Variants in DLC1 observed in about 807,000 individuals in gnomAD.
DLC1 encodes the protein DLC1 Rho GTPase activating protein.
In DLC1, 54 loss-of-function variants were observed where a neutral mutation model predicts 140.3. That is an observed-to-expected ratio of 0.38 (90% confidence interval 0.31 to 0.48). The LOEUF is 0.48. Ranked by LOEUF, DLC1 falls within the 20% of genes least tolerant of loss-of-function variation. The pLI, the probability that DLC1 is intolerant of heterozygous loss-of-function variation, is 0.96. For synonymous variants in DLC1, 986 were observed against 728.1 expected, an observed-to-expected ratio of 1.35 and a Z score of -5.70; for missense variants, 2,536 against 1,907.0, an observed-to-expected ratio of 1.33 and a Z score of -6.14.
At chr8:13,318,620 T>C (rs1270701000) in intron 4 of DLC1, among the ~76,000 whole-genome samples, 1 of 152,214 alleles carries the variant, frequency 6.6e-6, no homozygotes, top group East Asian at 1.9e-4. Flanking sequence ...GATATTGGTA[T>C]GGATTTTAAT....
At chr8:13,589,900 G>C (rs1056919939) in intron 1 of DLC1, among the ~76,000 whole-genome samples, 1 of 151,480 alleles carries the variant, frequency 6.6e-6, no homozygotes, top group Non-Finnish European at 1.5e-5. Context: ...GAAAAAAAAG[G>C]CAAAGAAACT....
At chr8:13,323,205 G>C (rs1434814518) in intron 4 of DLC1, among the ~76,000 whole-genome samples, 1 of 152,158 alleles carries the variant, frequency 6.6e-6, no homozygotes, top group East Asian at 1.9e-4. Context: ...CTAAATTATG[G>C]GGAAATTTGC....
At chr8:13,312,326 A>AGT (rs1832700155) in intron 4 of DLC1, among the ~76,000 whole-genome samples, 1 of 95,982 alleles carries the variant, frequency 1.0e-5, no homozygotes, top group Non-Finnish European at 2.0e-5. Flanking sequence ...GCGCCACTGC[A>AGT]CTCCAGCCTG....
chr8:13,470,105 C>G (rs1800139772), intron 2 of DLC1, among the ~76,000 whole-genome samples: 1 of 152,092 alleles, frequency 6.6e-6, no homozygotes, highest in African/African-American at 2.4e-5. Flanking sequence ...ATTACTTCCT[C>G]TTGTGGAATA....
chr8:13,429,005 G>C (rs2117382894), intron 2 of DLC1, among the ~76,000 whole-genome samples: 1 of 152,084 alleles, frequency 6.6e-6, no homozygotes, highest in East Asian at 1.9e-4. Context: ...TGATCTCTAA[G>C]GTATTTTATG....
chr8:13,301,991 A>G (rs1476613514), intron 5 of DLC1, among the ~76,000 whole-genome samples: 1 of 152,222 alleles, frequency 6.6e-6, no homozygotes, highest in Non-Finnish European at 1.5e-5. Flanking sequence ...GACTCCAGCG[A>G]CATGATGGAA....
chr8:13,091,523 A>T (rs1230302563), intron 13 of DLC1, 91 bp from the exon 14 acceptor site: 1 of 1,200,970 alleles, frequency 8.3e-7, no homozygotes, highest in Non-Finnish European at 1.1e-6. Context: ...GAAGAGAGAA[A>T]AAAAAATTTT....
At chr8:13,528,036 C>T (rs1268101680) in intron 1 of DLC1, among the ~76,000 whole-genome samples, 1 of 152,038 alleles carries the variant, frequency 6.6e-6, no homozygotes, top group Non-Finnish European at 1.5e-5. Context: ...TGTTGGTTTA[C>T]ACATGGGCAT....
At chr8:13,381,058 C>G (rs1359971028) in intron 4 of DLC1, among the ~76,000 whole-genome samples, 1 of 152,104 alleles carries the variant, frequency 6.6e-6, no homozygotes, top group Non-Finnish European at 1.5e-5. Flanking sequence ...TGACATGAGT[C>G]CCTGTAGTGT....
At chr8:13,433,734 C>G (rs1173035043) in intron 2 of DLC1, among the ~76,000 whole-genome samples, 1 of 152,142 alleles carries the variant, frequency 6.6e-6, no homozygotes, top group Non-Finnish European at 1.5e-5. Flanking sequence ...TTATATCTCT[C>G]TTTTGGGAAC....
intron 1 of DLC1, among the ~76,000 whole-genome samples, chr8:13,580,422 G>A (rs547957116): frequency 6.0e-4 from 91 of 152,280 alleles, no homozygotes; most frequent in African/African-American, 1.7e-3. Context: ...CGCCCGGCAG[G>A]TTGGTTACAT....
At chr8:13,554,003 T>C (rs1309315134) in intron 1 of DLC1, among the ~76,000 whole-genome samples, 1 of 152,096 alleles carries the variant, frequency 6.6e-6, no homozygotes, top group Non-Finnish European at 1.5e-5. Flanking sequence ...CTTGTTTTTC[T>C]AATAATCTGT....
At chr8:13,332,924 A>ATG (rs1563260282) in intron 4 of DLC1, among the ~76,000 whole-genome samples, 2 of 151,642 alleles carry the variant, frequency 1.3e-5, no homozygotes, top group East Asian at 3.9e-4. Flanking sequence ...CTCGGATGCC[A>ATG]AAATCTCCTG....
At chr8:13,094,717 T>G in intron 12 of DLC1, 42 bp downstream of exon 12, 1 of 1,612,048 alleles carries the variant, frequency 6.2e-7, no homozygotes, top group Non-Finnish European at 8.5e-7. Context: ...TTGGTCCCAT[T>G]TTTCCCCAAT....
In DLC1 at chr8:13,089,989, T is replaced by A. The variant is rs145921132; in HGVS notation, c.4074+263A>T. Among the ~76,000 whole-genome samples, 3 of 152,394 alleles carry A rather than the reference T, an allele frequency of 2.0e-5. No homozygotes were observed. In the East Asian group the frequency reaches 5.8e-4, roughly 29 times the overall value. The stretch of plus-strand genomic sequence containing the variant: ...ATTAGCAAAACATTCTAGGGAAGTC[T>A]AGTGTGATTCTGTAGAGCCAAAGGA... On this transcript the variant is annotated intron_variant, in intron 15 of 17. Transcript: ENST00000276297.
chr8:13,320,296 C>G (rs141265967), intron 4 of DLC1, among the ~76,000 whole-genome samples: 1 of 152,212 alleles, frequency 6.6e-6, no homozygotes, highest in African/African-American at 2.4e-5. Flanking sequence ...ATGATTTCTG[C>G]TCTCTATGAA....
chr8:13,372,721 A>G (rs1835784149), intron 4 of DLC1, among the ~76,000 whole-genome samples: 1 of 152,214 alleles, frequency 6.6e-6, no homozygotes, highest in Admixed American at 6.5e-5. Flanking sequence ...CCATTTAAAA[A>G]GAAATAGTTA....
At chr8:13,360,446 T>G (rs1671426) in intron 4 of DLC1, among the ~76,000 whole-genome samples, 4,558 of 152,144 alleles carry the variant, frequency 0.03, 97 homozygotes, top group South Asian at 0.088. Flanking sequence ...AAGCTACCCA[T>G]TTCCTCTACT....
intron 1 of DLC1, among the ~76,000 whole-genome samples, chr8:13,600,003 A>T (rs1805818541): frequency 6.6e-6 from 1 of 151,928 alleles, no homozygotes; most frequent in African/African-American, 2.4e-5. Context: ...CCTTGCCTGA[A>T]ATCAGAAGCA....
Sources: allele counts gnomAD v4.1 joint callset (sites outside exome capture counted in the v4.1 genomes callset), GRCh38; gene constraint gnomAD v4.1.1; transcripts MANE v1.5; gene names NCBI Gene and HGNC (gene_info 2026-07-23, HGNC 2026-07-21).